PLD1: variants seen among roughly 807,000 people sequenced by gnomAD.
PLD1 encodes the protein phospholipase D1, also known as choline phosphatase 1.
In PLD1, 112 loss-of-function variants were observed where a neutral mutation model predicts 137.1. The observed-to-expected ratio is 0.82, with a 90% CI of 0.70 to 0.96. The LOEUF (loss-of-function observed/expected upper bound fraction) is 0.96. Ranked by LOEUF, PLD1 falls within the 40% of genes least tolerant of loss-of-function variation. The probability of loss-of-function intolerance (pLI) is 0.00; values close to 1 mark genes in which losing one functional copy is unlikely to be tolerated. For missense variants in PLD1, 1,321 were observed against 1,342.0 expected (o/e 0.98, Z 0.24); for synonymous variants, 431 against 454.7 (o/e 0.95, Z 0.66).
intron 6 of PLD1, among the ~76,000 whole-genome samples, chr3:171,731,721 G>A (rs1264985953): frequency 1.3e-5 from 2 of 151,782 alleles, no homozygotes; most frequent in Admixed American, 6.6e-5. Flanking sequence ...GCAGTGAGCC[G>A]AGATCATGCC....
chr3:171,748,288 T>G (rs753138657), intron 1 of PLD1, among the ~76,000 whole-genome samples: 36 of 152,218 alleles, frequency 2.4e-4, no homozygotes, highest in Middle Eastern at 3.2e-3. Context: ...TTGACTTAAG[T>G]CAAAGGGAAA....
In PLD1 at chr3:171,743,215, G is replaced by T. The variant is rs138631971; in HGVS notation, c.-31-5133C>A. On this transcript the variant is annotated intron_variant, in intron 1 of 26. Coordinates refer to ENST00000351298, the MANE Select transcript of PLD1 (RefSeq NM_002662.5). ...CAGGCAAAAATCATCTTGGTTGCTAGTGTCATCTTTAATTCTATTAAAAGC... is the reference window on the plus strand; with the variant it reads ...CAGGCAAAAATCATCTTGGTTGCTATTGTCATCTTTAATTCTATTAAAAGC... Among the ~76,000 whole-genome samples, 349 of 152,298 alleles carry T rather than the reference G, an allele frequency of 2.3e-3. 3 individuals carry two copies. The highest frequency in any genetic ancestry group is 8.1e-3 in the African/African-American group (337 of 41,556).
chr3:171,781,817 A>C (rs1186485426), intron 1 of PLD1, among the ~76,000 whole-genome samples: 1 of 152,214 alleles, frequency 6.6e-6, no homozygotes, highest in Non-Finnish European at 1.5e-5. Context: ...GCTTAGAAAA[A>C]AGTCTAGCCG....
At chr3:171,729,417 G>A (rs1441070408) in intron 6 of PLD1, among the ~76,000 whole-genome samples, 4 of 152,132 alleles carry the variant, frequency 2.6e-5, no homozygotes, top group Non-Finnish European at 4.4e-5. Context: ...AGCCCTAGGG[G>A]TAACAAAAAA....
rs116282167 is a variant in PLD1 at position 171,796,104 on chromosome 3, A to C, written c.-32+14295T>G. ...TTACTCTTACCCAATGATTCAATCC[A>C]GTTCCCCAAACATTTGCTGTCCACT... On this transcript the variant is annotated intron_variant, in intron 1 of 26. Transcript: ENST00000351298. Among the ~76,000 whole-genome samples, 578 of 152,360 alleles carry C rather than the reference A, an allele frequency of 3.8e-3. 3 individuals are homozygous for C. The highest frequency in any genetic ancestry group is 0.013 in the African/African-American group (542 of 41,576).
intron 11 of PLD1, among the ~76,000 whole-genome samples, chr3:171,706,128 A>ATCTATCTG (rs2108556482): frequency 1.4e-5 from 2 of 147,510 alleles, no homozygotes; most frequent in South Asian, 4.2e-4. Context: ...CAGTCAGTCT[A>ATCTATCTG]TCTATCTATC....
chr3:171,677,869 C>G (rs1334720746), intron 16 of PLD1, 175 bp from the exon 17 acceptor site: 1 of 524,832 alleles, frequency 1.9e-6, no homozygotes, highest in Non-Finnish European at 3.3e-6. Flanking sequence ...ACAGTCCTTA[C>G]AAGTTTACTT....
chr3:171,803,457 T>C (rs1032615952), intron 1 of PLD1, among the ~76,000 whole-genome samples: 8 of 152,146 alleles, frequency 5.3e-5, no homozygotes, highest in Non-Finnish European at 1.2e-4. Context: ...AAACCCTAAC[T>C]GTAGTGTTTG....
At chr3:171,778,073 ATATT>A (rs1273124581) in intron 1 of PLD1, among the ~76,000 whole-genome samples, 17 of 152,212 alleles carry the variant, frequency 1.1e-4, no homozygotes, top group Middle Eastern at 3.2e-3. Flanking sequence ...TGCTTACAAG[ATATT>A]TAAATTATTT....
intron 23 of PLD1, among the ~76,000 whole-genome samples, chr3:171,637,822 C>A (rs1735262783): frequency 6.6e-6 from 1 of 151,948 alleles, no homozygotes; most frequent in South Asian, 2.1e-4. Context: ...AACTTAATGG[C>A]AAGTATTTGT....
chr3:171,722,180 G>C (rs1427578143), intron 8 of PLD1, among the ~76,000 whole-genome samples: 1 of 152,194 alleles, frequency 6.6e-6, no homozygotes, highest in Non-Finnish European at 1.5e-5. Context: ...GGGGGATACA[G>C]ATAAGAATCA....
intron 1 of PLD1, among the ~76,000 whole-genome samples, chr3:171,739,197 G>A (rs1456871415): frequency 6.6e-6 from 1 of 152,168 alleles, no homozygotes; most frequent in Non-Finnish European, 1.5e-5. Flanking sequence ...CCCAGGGGAA[G>A]ACACTTAGCT....
At chr3:171,799,298 C>G (rs1352459022) in intron 1 of PLD1, among the ~76,000 whole-genome samples, 3 of 141,610 alleles carry the variant, frequency 2.1e-5, no homozygotes, top group Non-Finnish European at 3.0e-5. Context: ...AAGATCACAC[C>G]ACTGCACTCC....
At chr3:171,761,671 T>G (rs1413918770) in intron 1 of PLD1, among the ~76,000 whole-genome samples, 1 of 152,236 alleles carries the variant, frequency 6.6e-6, no homozygotes, top group African/African-American at 2.4e-5. Flanking sequence ...TTAAGTCTAG[T>G]GCTCAGAGTA....
intron 2 of PLD1, 90 bp from the exon 3 acceptor site, chr3:171,737,749 C>T: frequency 7.9e-7 from 1 of 1,271,270 alleles, no homozygotes; most frequent in Non-Finnish European, 1.1e-6. Flanking sequence ...CGTGTTAAAA[C>T]AAGTAAGCCT....
Position 171,689,294 on chromosome 3 carries a change from T to C in PLD1, c.1339-418A>G, listed in dbSNP as rs1578280469. Among the ~76,000 whole-genome samples the C allele has an allele frequency of 4.6e-5, 7 of 152,326 alleles. No homozygotes were observed. The South Asian group carries it at 1.2e-3, about 27-fold the overall frequency. On this transcript the variant is annotated intron_variant, in intron 13 of 26. Coordinates refer to ENST00000351298, the MANE Select transcript of PLD1 (RefSeq NM_002662.5). ...AATTATATTGATATTTTATCAGTCATTGAATTGAAATATTAAGCATATGAA... is the reference window on the plus strand; with the variant it reads ...AATTATATTGATATTTTATCAGTCACTGAATTGAAATATTAAGCATATGAA...
intron 1 of PLD1, among the ~76,000 whole-genome samples, chr3:171,775,856 A>C (rs1722573562): frequency 6.6e-6 from 1 of 151,958 alleles, no homozygotes; most frequent in Non-Finnish European, 1.5e-5. Flanking sequence ...ATAAGTAAAC[A>C]AAAAAAATTA....
intron 1 of PLD1, among the ~76,000 whole-genome samples, chr3:171,785,178 T>G (rs1328560831): frequency 1.3e-5 from 2 of 152,182 alleles, no homozygotes. Context: ...AGAGCCTAGA[T>G]CTCAACAATT....
intron 19 of PLD1, among the ~76,000 whole-genome samples, chr3:171,673,774 GACTTT>G (rs928463263): frequency 2.6e-5 from 4 of 152,140 alleles, no homozygotes; most frequent in African/African-American, 9.7e-5. Context: ...CAGACTGCTG[GACTTT>G]ACTTAAACAA....
Sources: allele counts gnomAD v4.1 joint callset (sites outside exome capture counted in the v4.1 genomes callset), GRCh38; gene constraint gnomAD v4.1.1; transcripts MANE v1.5; gene names NCBI Gene and HGNC (gene_info 2026-07-23, HGNC 2026-07-21).